Variants in OR51E2 observed in about 807,000 individuals in gnomAD.
The protein encoded by OR51E2 is olfactory receptor family 51 subfamily E member 2.
Under a neutral mutation model 13.7 loss-of-function variants are expected in OR51E2, and 14 were observed. That is an observed-to-expected ratio of 1.02 (90% CI 0.68 to 1.60). OR51E2 has a LOEUF of 1.60. Among genes scored for constraint, OR51E2 ranks in the 40% most tolerant of loss-of-function variants. OR51E2 has a pLI of 0.00. For missense variants in OR51E2, 483 were observed against 413.8 expected, an observed-to-expected ratio of 1.17 and a Z score of -1.45; for synonymous variants, 180 against 157.6, an observed-to-expected ratio of 1.14 and a Z score of -1.07.
intron 1 of OR51E2, among the ~76,000 whole-genome samples, chr11:4,692,613 G>A (rs1788632267): frequency 2.0e-5 from 3 of 152,156 alleles, no homozygotes; most frequent in African/African-American, 4.8e-5. Flanking sequence ...AGATGGGTAT[G>A]GTTGAGTTGA....
At chr11:4,697,275 C>T (rs1164344005) in intron 1 of OR51E2, among the ~76,000 whole-genome samples, 1 of 152,184 alleles carries the variant, frequency 6.6e-6, no homozygotes, top group African/African-American at 2.4e-5. Flanking sequence ...CCAGTTTCCT[C>T]ATCTATAAGA....
At chr11:4,694,277 G>T (rs1847624820) in intron 1 of OR51E2, among the ~76,000 whole-genome samples, 1 of 151,368 alleles carries the variant, frequency 6.6e-6, no homozygotes, top group African/African-American at 2.4e-5. Flanking sequence ...ATTTTGACCT[G>T]ATCTGTGTTG....
intron 1 of OR51E2, chr11:4,690,764 T>C (rs924420236): frequency 2.0e-5 from 8 of 399,884 alleles, no homozygotes; most frequent in African/African-American, 1.7e-4. Flanking sequence ...AATTTTATGT[T>C]TCTTTGGAAT....
rs534037251 is a variant in OR51E2, at chr11:4,680,692, A to G, written c.*1057T>C. On this transcript the variant is annotated 3_prime_UTR_variant, in exon 2 of 2. Coordinates refer to ENST00000396950, the MANE Select transcript of OR51E2 (RefSeq NM_030774.4). Reference sequence around the variant, plus strand: ...TACTCCATAAAGTTACGAAGAACACATAAAACCTGTGAAGCACTTATAATA... The same window carrying G: ...TACTCCATAAAGTTACGAAGAACACGTAAAACCTGTGAAGCACTTATAATA... 30 of 152,754 alleles carry G rather than the reference A, an allele frequency of 2.0e-4. No individual in the cohort carries two copies. Among genetic ancestry groups the G allele is most frequent in the South Asian group, 1.2e-3 (6 of 4,832 alleles). The allele number at this position is 152,754 out of a possible 1,614,324, so 9.5% of individuals were successfully genotyped here. A position where few individuals can be genotyped will look rare whatever the true frequency, so the allele number is the denominator to read the frequency against.
chr11:4,686,758 G>C (rs766538472), intron 1 of OR51E2, among the ~76,000 whole-genome samples: 1 of 151,862 alleles, frequency 6.6e-6, no homozygotes, highest in East Asian at 1.9e-4. Flanking sequence ...GTGACTACTA[G>C]TGCTCTGGCT....
At chr11:4,695,188 C>A (rs1847641480) in intron 1 of OR51E2, among the ~76,000 whole-genome samples, 1 of 152,180 alleles carries the variant, frequency 6.6e-6, no homozygotes, top group Non-Finnish European at 1.5e-5. Context: ...ACATTTCTAA[C>A]ATTTTATTCA....
intron 1 of OR51E2, chr11:4,691,078 C>T (rs772500157): frequency 2.2e-6 from 1 of 456,728 alleles, no homozygotes; most frequent in Non-Finnish European, 4.4e-6. Context: ...TCTACACCAA[C>T]AGTAGAGAAC....
At chr11:4,687,926 A>C (rs1375241491) in intron 1 of OR51E2, among the ~76,000 whole-genome samples, 1 of 152,132 alleles carries the variant, frequency 6.6e-6, no homozygotes, top group Non-Finnish European at 1.5e-5. Flanking sequence ...GGGTCAGGGG[A>C]TTCTTTGCTG....
chr11:4,681,950 A>G lies in OR51E2; in HGVS notation c.762T>C (p.Leu254=). 1 of 1,614,126 alleles carries G rather than the reference A, an allele frequency of 6.2e-7. No individual in the cohort carries two copies. The highest frequency in any genetic ancestry group is 8.5e-7 in the Non-Finnish European group (1 of 1,179,946). Residue 254 remains leucine (L), a synonymous_variant, in exon 2 of 2, where the codon CTT becomes CTC. Coordinates refer to ENST00000396950, the MANE Select transcript of OR51E2 (RefSeq NM_030774.4). ...AGCGGTGTACCACTGAGAGGCCAAT[A>G]AGTGGCACATAGAAGGCGAGTACCA... The part of the protein sequence containing the change: ...IGVVLAFYVP[L]IGLSVVHRFG...
intron 1 of OR51E2, among the ~76,000 whole-genome samples, chr11:4,687,267 GAA>G (rs1374819413): frequency 6.6e-6 from 1 of 152,238 alleles, no homozygotes; most frequent in East Asian, 1.9e-4. Context: ...GAAGGGGAAA[GAA>G]ATATGTAGAA....
At chr11:4,696,735 A>T (rs1299717203) in intron 1 of OR51E2, among the ~76,000 whole-genome samples, 1 of 152,036 alleles carries the variant, frequency 6.6e-6, no homozygotes, top group Non-Finnish European at 1.5e-5. Context: ...TATTCTCTCA[A>T]CTAATTTTTC....
At position 4,681,888 on chromosome 11, in the gene OR51E2, A is replaced by G. The variant is rs199750314; in HGVS notation, c.824T>C (p.Met275Thr). Reference protein sequence around the residue: ...NSLHPIVRVVMGDIYLLLPPV... With the variant: ...NSLHPIVRVVTGDIYLLLPPV... The stretch of plus-strand genomic sequence containing the variant: ...AGGCAGCAGCAGGTAGATGTCACCC[A>G]TGACAACACGCACAATGGGATGAAG... The change falls in exon 2 of 2, where the codon ATG becomes ACG. Residue 275 changes from methionine (M) to threonine (T), a missense_variant. Transcript: ENST00000396950. The G allele has an allele frequency of 1.9e-6, 3 of 1,614,230 alleles. No individual in the cohort carries two copies. The highest frequency in any genetic ancestry group is 4.5e-5 in the East Asian group (2 of 44,880).
At chr11:4,687,420 G>T (rs1363138261) in intron 1 of OR51E2, among the ~76,000 whole-genome samples, 1 of 152,136 alleles carries the variant, frequency 6.6e-6, no homozygotes, top group South Asian at 2.1e-4. Context: ...TTAGGATCAG[G>T]GTATACTAGG....
At chr11:4,693,684 T>C (rs957901615) in intron 1 of OR51E2, among the ~76,000 whole-genome samples, 2 of 151,996 alleles carry the variant, frequency 1.3e-5, no homozygotes, top group Non-Finnish European at 2.9e-5. Context: ...ATGGCGCCAT[T>C]GCACTCCAAC....
At chr11:4,691,007 G>A (rs977894759) in intron 1 of OR51E2, 30 of 455,544 alleles carry the variant, frequency 6.6e-5, no homozygotes, top group African/African-American at 5.2e-4. Flanking sequence ...TCTCTTCTGG[G>A]GAAGCAACGC....
At chr11:4,688,968 G>A (rs961454851) in intron 1 of OR51E2, among the ~76,000 whole-genome samples, 3 of 152,288 alleles carry the variant, frequency 2.0e-5, no homozygotes, top group East Asian at 1.9e-4. Flanking sequence ...TATATTAGAC[G>A]TTGATTCTAA....
chr11:4,684,021 G>A (rs1322317175), intron 1 of OR51E2, among the ~76,000 whole-genome samples: 3 of 152,170 alleles, frequency 2.0e-5, no homozygotes, highest in Non-Finnish European at 2.9e-5. Context: ...ACTGCAGCTG[G>A]GAGATGCCCT....
chr11:4,693,021 A>C (rs953701589), intron 1 of OR51E2, among the ~76,000 whole-genome samples: 1 of 152,200 alleles, frequency 6.6e-6, no homozygotes, highest in Non-Finnish European at 1.5e-5. Context: ...AAATATCTAA[A>C]ATGTATGATC....
intron 1 of OR51E2, chr11:4,691,620 C>T (rs923149008): frequency 4.0e-5 from 18 of 449,566 alleles, no homozygotes; most frequent in African/African-American, 3.6e-4. Context: ...AATGGAGATC[C>T]AGGTGTGGAA....
Sources: allele counts gnomAD v4.1 joint callset (sites outside exome capture counted in the v4.1 genomes callset), GRCh38; gene constraint gnomAD v4.1.1; transcripts MANE v1.5; gene names NCBI Gene and HGNC (gene_info 2026-07-23, HGNC 2026-07-21).